DENND2B: variants seen among roughly 807,000 people sequenced by gnomAD.
The protein encoded by DENND2B is DENN domain-containing protein 2B.
DENND2B carries 32 observed loss-of-function variants against 116.0 expected under a neutral mutation model. The observed-to-expected ratio is 0.28, with a 90% CI of 0.21 to 0.37. DENND2B has a LOEUF of 0.37. Among genes scored for constraint, DENND2B ranks in the 10% least tolerant of loss-of-function variants. The pLI is 1.00. For missense variants in DENND2B, 1,276 were observed against 1,477.7 expected (o/e 0.86, Z 2.24); for synonymous variants, 588 against 583.9 (o/e 1.01, Z -0.10).
chr11:8,769,487 T>C (rs916640558), intron 1 of DENND2B, among the ~76,000 whole-genome samples: 4 of 152,082 alleles, frequency 2.6e-5, no homozygotes, highest in Admixed American at 2.6e-4. Flanking sequence ...ATCGAACTCC[T>C]GACCTCAACT....
At position 8,695,451 on chromosome 11, in the gene DENND2B, A is replaced by C. The variant is rs759564476; in HGVS notation, c.3379+12T>G. 4 of 1,612,366 alleles carry C rather than the reference A, an allele frequency of 2.5e-6. No individual in the cohort carries two copies. In the African/African-American group the frequency reaches 5.3e-5, roughly 22 times the overall value. On this transcript the variant is annotated intron_variant, in intron 19 of 19. Transcript: ENST00000313726. ...GCTGAACATCTATCTCATCAGTAAC[A>C]AGGCCACTTACCCAAACCTCGGAGA...
chr11:8,753,614 A>G (rs1177131910), intron 1 of DENND2B, among the ~76,000 whole-genome samples: 1 of 151,982 alleles, frequency 6.6e-6, no homozygotes, highest in Non-Finnish European at 1.5e-5. Context: ...ACAATCTTGA[A>G]AAAGATGAAC....
intron 11 of DENND2B, chr11:8,708,390 T>C: frequency 1.1e-6 from 1 of 946,800 alleles, no homozygotes; most frequent in Non-Finnish European, 1.3e-6. Flanking sequence ...GAACATTTGC[T>C]ATACCTGACT....
At chr11:8,837,611 G>T (rs2062480901) in intron 4 of DENND2B, among the ~76,000 whole-genome samples, 2 of 152,194 alleles carry the variant, frequency 1.3e-5, no homozygotes, top group African/African-American at 4.8e-5. Flanking sequence ...CTCCGAAAGT[G>T]CTGGGATTAC....
Position 8,697,731 on chromosome 11 carries a change from A to T in DENND2B, c.2941-95T>A, listed in dbSNP as rs1420351491. ...TAGAAGAGCGTGAGTAGATAATCTC[A>T]TTTATCTCTCCCAGTAACCCTCATA... On this transcript the variant is annotated intron_variant, in intron 16 of 19. Coordinates refer to ENST00000313726, the MANE Select transcript of DENND2B (RefSeq NM_213618.2). 1.5e-5 allele frequency: 12 copies of T among 791,254 alleles called. No homozygotes were observed. In the Admixed American group the frequency reaches 1.9e-4, roughly 13 times the overall value. 49.0% of individuals were successfully genotyped at this position (791,254 alleles called of 1,614,324 possible).
chr11:8,717,649 C>T (rs1201562249), intron 5 of DENND2B, 92 bp downstream of exon 5: 1 of 1,443,244 alleles, frequency 6.9e-7, no homozygotes, highest in Non-Finnish European at 9.2e-7. Context: ...AGGGTAAAAG[C>T]CTGAGTGGAA....
In DENND2B at chr11:8,726,130, G is replaced by C. The variant is rs1322428020; in HGVS notation, c.1420C>G (p.Gln474Glu). 2.5e-6 allele frequency: 4 copies of C among 1,614,080 alleles called. No homozygotes were observed. Among genetic ancestry groups the C allele is most frequent in the Non-Finnish European group, 3.4e-6 (4 of 1,180,024 alleles). ...SSPTENGTEN[Q>E]PKFGSKSTLE... ...GTGCTTTTGGATCCAAACTTGGGTT[G>C]GTTCTCAGTACCATTCTCAGTGGGA... Residue 474 changes from glutamine (Q) to glutamate (E), a missense_variant, in exon 4 of 20, where the codon CAA becomes GAA. Coordinates refer to ENST00000313726, the MANE Select transcript of DENND2B (RefSeq NM_213618.2).
At chr11:8,699,670 C>T (rs1012167950) in intron 14 of DENND2B, among the ~76,000 whole-genome samples, 1 of 152,170 alleles carries the variant, frequency 6.6e-6, no homozygotes, top group Non-Finnish European at 1.5e-5. Context: ...AAAGGGCTGT[C>T]TCGGGTTTGG....
At chr11:8,831,210 C>G (rs1459870738) in intron 4 of DENND2B, among the ~76,000 whole-genome samples, 1 of 152,186 alleles carries the variant, frequency 6.6e-6, no homozygotes, top group Non-Finnish European at 1.5e-5. Flanking sequence ...CAAGACCTCC[C>G]TGATAGGTAA....
chr11:8,785,304 T>C (rs932080145), intron 1 of DENND2B: 2 of 152,206 alleles, frequency 1.3e-5, no homozygotes, highest in Non-Finnish European at 1.5e-5. Flanking sequence ...ATTGTGATCA[T>C]AGCAGTTTTT....
At chr11:8,817,303 C>T (rs1456283937) in intron 4 of DENND2B, among the ~76,000 whole-genome samples, 1 of 152,176 alleles carries the variant, frequency 6.6e-6, no homozygotes, top group East Asian at 1.9e-4. Flanking sequence ...ATCAACAAAA[C>T]AAATGTCTTC....
chr11:8,812,744 C>T (rs1026007964), upstream of DENND2B, among the ~76,000 whole-genome samples: 1 of 152,146 alleles, frequency 6.6e-6, no homozygotes, highest in Non-Finnish European at 1.5e-5. Context: ...GACTGAGCAT[C>T]GGAAGAGATG....
chr11:8,863,528 C>T (rs773391669), intron 2 of DENND2B, among the ~76,000 whole-genome samples: 1 of 151,982 alleles, frequency 6.6e-6, no homozygotes, highest in Non-Finnish European at 1.5e-5. Flanking sequence ...CCACTGCGCC[C>T]GGCCTGCCTC....
chr11:8,901,229 C>CTTTTCTTTTTTTTTTTTTTT (rs781408078), intron 1 of DENND2B, among the ~76,000 whole-genome samples: 1 of 83,918 alleles, frequency 1.2e-5, no homozygotes, highest in Admixed American at 1.6e-4. Context: ...CTTTTCTTTT[C>CTTTTCTTTTTTTTTTTTTTT]TTTTTTTTTT....
intron 13 of DENND2B, among the ~76,000 whole-genome samples, chr11:8,705,536 CTCTCT>C (rs980720250): frequency 3.3e-5 from 5 of 152,176 alleles, no homozygotes; most frequent in Admixed American, 2.6e-4. Context: ...CCATACTGGG[CTCTCT>C]TCTCTTCCCT....
intron 1 of DENND2B, among the ~76,000 whole-genome samples, chr11:8,797,337 G>A (rs1418762209): frequency 6.6e-6 from 1 of 152,148 alleles, no homozygotes; most frequent in Admixed American, 6.5e-5. Context: ...TTGATCCCAA[G>A]AAGTATGCAG....
At chr11:8,771,529 C>A (rs1007948903) in intron 1 of DENND2B, 1 of 107,392 alleles carries the variant, frequency 9.3e-6, no homozygotes. Flanking sequence ...TATATATATA[C>A]AGAGAGAGAG....
At chr11:8,835,327 T>C (rs1257535963) in intron 4 of DENND2B, among the ~76,000 whole-genome samples, 3 of 152,152 alleles carry the variant, frequency 2.0e-5, no homozygotes, top group Non-Finnish European at 2.9e-5. Flanking sequence ...GATGGATATC[T>C]GGGGGGAATC....
chr11:8,776,296 T>G, intron 1 of DENND2B: 2 of 451,432 alleles, frequency 4.4e-6, no homozygotes, highest in South Asian at 3.1e-5. Context: ...CTCTCCTTCT[T>G]CCTCTCTGCT....
Sources: allele counts gnomAD v4.1 joint callset (sites outside exome capture counted in the v4.1 genomes callset), GRCh38; gene constraint gnomAD v4.1.1; transcripts MANE v1.5; gene names NCBI Gene and HGNC (gene_info 2026-07-23, HGNC 2026-07-21).